The following TAAR5 variants were observed in gnomAD, a reference collection of about 807,000 sequenced individuals.
The protein encoded by TAAR5 is trace amine associated receptor 5.
In TAAR5, 27 loss-of-function variants were observed where a neutral mutation model predicts 21.1. The ratio of observed to expected loss-of-function variants is 1.28; its 90% CI spans 0.94 to 1.76. The LOEUF is 1.76. TAAR5 is among the 40% of genes most tolerant of loss of function. TAAR5 has a pLI of 0.00. For missense variants in TAAR5, 495 were observed against 405.6 expected (o/e 1.22, Z -1.89); for synonymous variants, 203 against 167.5 (o/e 1.21, Z -1.64).
chr6:132,589,495 C>A lies in TAAR5; in HGVS notation c.192G>T (p.Ala64=). The A allele has an allele frequency of 6.2e-7, 1 of 1,613,724 alleles. No individual in the cohort carries two copies. The highest frequency in any genetic ancestry group is 8.5e-7 in the Non-Finnish European group (1 of 1,179,870). ...GCAGGAAGTTGGTGGGCGTGTGAAG[C>A]GCTTTGAAGTAGGACACAGCAAATG... The part of the protein sequence containing the change: ...FVAFAVSYFK[A]LHTPTNFLLL... The change falls in exon 1 of 1, where the codon GCG becomes GCT. Residue 64 remains alanine (A), a synonymous_variant. Coordinates refer to ENST00000258034, the MANE Select transcript of TAAR5 (RefSeq NM_003967.3).
chr6:132,608,398 A>G, the TAAR5 span: 2 of 455,806 alleles, frequency 4.4e-6, no homozygotes, highest in African/African-American at 2.0e-5. Flanking sequence ...GAGCCACACT[A>G]AAAGATCCAA....
the TAAR5 span, among the ~76,000 whole-genome samples, chr6:132,599,606 G>A: frequency 7.2e-5 from 11 of 152,184 alleles, no homozygotes; most frequent in South Asian, 4.1e-4. Flanking sequence ...TGGGATTACA[G>A]GCATGAGCCA....
At chr6:132,613,230 C>A in the TAAR5 span, among the ~76,000 whole-genome samples, 2 of 152,322 alleles carry the variant, frequency 1.3e-5, no homozygotes, top group South Asian at 2.1e-4. Context: ...CCAGCTCTAA[C>A]AAACTAACAA....
the TAAR5 span, chr6:132,608,744 A>G: frequency 2.2e-6 from 1 of 455,874 alleles, no homozygotes; most frequent in African/African-American, 2.0e-5. Flanking sequence ...AGTATCTTAT[A>G]GCTCTGCATA....
chr6:132,592,617 T>C (rs555610165), upstream of TAAR5, among the ~76,000 whole-genome samples: 11 of 152,318 alleles, frequency 7.2e-5, no homozygotes, highest in South Asian at 2.1e-4. Flanking sequence ...GTTCTTTTGA[T>C]AGTGAATGAG....
chr6:132,595,183 A>C, the TAAR5 span: 3 of 153,356 alleles, frequency 2.0e-5, no homozygotes, highest in Admixed American at 6.5e-5. Flanking sequence ...GGGCATGACC[A>C]CACAGCTCAG....
the TAAR5 span, among the ~76,000 whole-genome samples, chr6:132,599,825 T>C: frequency 6.6e-6 from 1 of 152,224 alleles, no homozygotes; most frequent in Non-Finnish European, 1.5e-5. Flanking sequence ...TTCTGTCTTA[T>C]ACTTAATAGT....
At chr6:132,589,765 A>AAAG (rs1776879505), upstream of TAAR5, 1 of 987,922 alleles carries the variant, frequency 1.0e-6, no homozygotes, top group East Asian at 3.0e-5. Context: ...AAAAAAAAAA[A>AAAG]AAAAAAAAAA....
chr6:132,608,363 G>A, the TAAR5 span: 1 of 455,896 alleles, frequency 2.2e-6, no homozygotes, highest in South Asian at 1.5e-5. Context: ...TGAATAAGAG[G>A]GTTGCAAGTA....
chr6:132,589,298 A>G lies in TAAR5; in HGVS notation c.389T>C (p.Ile130Thr), dbSNP rs756999682. The change falls in exon 1 of 1, where the codon ATT becomes ACT. Residue 130 changes from isoleucine (I) to threonine (T), a missense_variant. Transcript: ENST00000258034. ...TSIFHLCFIS[I>T]DRHCAICDPL... ...GTCACAGATGGCACAGTGGCGGTCA[A>G]TGGAAATGAAACAGAGATGGAAGAT... 3.1e-6 allele frequency: 5 copies of G among 1,613,136 alleles called. No homozygotes were observed. In the East Asian group the frequency reaches 6.7e-5, roughly 22 times the overall value.
chr6:132,601,024 GGAGGGAAGGAGGGAAA>G, the TAAR5 span, among the ~76,000 whole-genome samples: 1 of 99,796 alleles, frequency 1.0e-5, no homozygotes, highest in African/African-American at 5.8e-5. Flanking sequence ...AAGGGGGGAA[GGAGGGAAGGAGGGAAA>G]GAAGGAAGGA....
the TAAR5 span, among the ~76,000 whole-genome samples, chr6:132,603,214 A>G: frequency 2.0e-5 from 3 of 150,556 alleles, no homozygotes; most frequent in Admixed American, 2.0e-4. Context: ...AGGTGGTAGG[A>G]TAGCTTGAAC....
chr6:132,613,927 A>G, the TAAR5 span, among the ~76,000 whole-genome samples: 1 of 152,242 alleles, frequency 6.6e-6, no homozygotes, highest in African/African-American at 2.4e-5. Context: ...AAAGAACTTA[A>G]CAATTGCCAT....
chr6:132,589,115 C>G lies in TAAR5; in HGVS notation c.572G>C (p.Ser191Thr). Residue 191 changes from serine to threonine, a missense_variant, in exon 1 of 1, where the codon AGT becomes ACT. Transcript: ENST00000258034. ...AAATTTATTGAGCAGCAGCTGGCAACTGCCCACACAAGGCATCTCTTCCAG... is the reference window on the plus strand; with the variant it reads ...AAATTTATTGAGCAGCAGCTGGCAAGTGCCCACACAAGGCATCTCTTCCAG... ...QWLEEMPCVG[S>T]CQLLLNKFWG... 6.2e-7 allele frequency: 1 copy of G among 1,613,522 alleles called. No individual in the cohort carries two copies. Among genetic ancestry groups the G allele is most frequent in the Non-Finnish European group, 8.5e-7 (1 of 1,179,664 alleles).
chr6:132,597,115 A>G, the TAAR5 span, among the ~76,000 whole-genome samples: 1 of 152,166 alleles, frequency 6.6e-6, no homozygotes, highest in Admixed American at 6.5e-5. Context: ...AATCACTGAA[A>G]GAATATAATT....
chr6:132,601,613 C>A, the TAAR5 span, among the ~76,000 whole-genome samples: 1 of 152,150 alleles, frequency 6.6e-6, no homozygotes, highest in Admixed American at 6.5e-5. Flanking sequence ...TTTATTGTAA[C>A]ATTATTTGTT....
the TAAR5 span, among the ~76,000 whole-genome samples, chr6:132,602,779 C>CAA: frequency 0.04 from 3,836 of 95,804 alleles, 150 homozygotes; most frequent in African/African-American, 0.1. Flanking sequence ...CTTTAGAAGT[C>CAA]AAAAAAAAAA....
chr6:132,608,403 A>T, the TAAR5 span: 1 of 455,928 alleles, frequency 2.2e-6, no homozygotes, highest in Middle Eastern at 3.3e-4. Flanking sequence ...ACACTAAAAG[A>T]TCCAATATTA....
upstream of TAAR5, chr6:132,594,648 C>T (rs1035014899): frequency 3.9e-5 from 6 of 152,158 alleles, no homozygotes; most frequent in South Asian, 2.1e-4. Flanking sequence ...ATGACTATGC[C>T]TAAGGTCCTG....
Sources: allele counts gnomAD v4.1 joint callset (sites outside exome capture counted in the v4.1 genomes callset), GRCh38; gene constraint gnomAD v4.1.1; transcripts MANE v1.5; gene names NCBI Gene and HGNC (gene_info 2026-07-23, HGNC 2026-07-21).